Variants in RAPGEF3 observed in about 807,000 individuals in gnomAD.
RAPGEF3 encodes Rap guanine nucleotide exchange factor 3.
Under a neutral mutation model 129.8 loss-of-function variants are expected in RAPGEF3, and 103 were observed. The observed-to-expected ratio is 0.79, with a 90% CI of 0.68 to 0.93. RAPGEF3 has a LOEUF of 0.93. Ranked by LOEUF, RAPGEF3 falls within the 40% of genes least tolerant of loss-of-function variation. RAPGEF3 has a pLI of 0.00. For synonymous variants in RAPGEF3, 436 were observed against 482.6 expected, an observed-to-expected ratio of 0.90 and a Z score of 1.26; for missense variants, 1,117 against 1,207.4, an observed-to-expected ratio of 0.93 and a Z score of 1.11.
At position 47,746,859 on chromosome 12, in the gene RAPGEF3, C is replaced by G. The variant is rs376528453; in HGVS notation, c.1596+1G>C. 20 of 1,593,756 alleles carry G rather than the reference C, an allele frequency of 1.3e-5. No individual in the cohort carries two copies. Among genetic ancestry groups the G allele is most frequent in the African/African-American group, 2.7e-5 (2 of 73,530 alleles). On this transcript the variant is annotated splice_donor_variant, in intron 16 of 27. Coordinates refer to ENST00000449771, the MANE Select transcript of RAPGEF3 (RefSeq NM_001098531.4). LOFTEE classifies it high-confidence loss of function. Reference sequence around the variant, plus strand: ...GAAAGAAACTGGGGCCAGGCAGACACCTTCATCTGAGGAGATGCATTCCCA... The same window carrying G: ...GAAAGAAACTGGGGCCAGGCAGACAGCTTCATCTGAGGAGATGCATTCCCA...
intron 2 of RAPGEF3, chr12:47,752,480 G>A (rs76426352): frequency 0.074 from 11,794 of 160,424 alleles, 579 homozygotes; most frequent in Middle Eastern, 0.11. Flanking sequence ...TCTGGGCCTC[G>A]GATCAGCCTG....
In RAPGEF3 at chr12:47,746,748, G is replaced by T. The variant is rs750302974; in HGVS notation, c.1596+112C>A. 3.4e-6 allele frequency: 4 copies of T among 1,192,598 alleles called. No individual in the cohort carries two copies. The South Asian group carries it at 3.9e-5, about 12-fold the overall frequency. The allele number at this position is 1,192,598 out of a possible 1,614,324, so 73.9% of individuals were successfully genotyped here. ...ACACCTATCAGAGACCCAAGGGTGT[G>T]TCTGTGGGAGGAGAGCTTCCCACGC... On this transcript the variant is annotated intron_variant, in intron 16 of 27. Transcript: ENST00000449771.
chr12:47,758,636 A>G lies in RAPGEF3; in HGVS notation c.-80T>C, dbSNP rs577107043. 145 of 1,602,164 alleles carry G rather than the reference A, an allele frequency of 9.1e-5. 2 individuals are homozygous for G. In the African/African-American group the frequency reaches 1.7e-3, roughly 19 times the overall value. ...CCCAGCGACCCCCATCAGCTTTGAT[A>G]AGGGGATCCGGAGGGTGCCAGTGGG... is the stretch of plus-strand genomic sequence containing the variant. On this transcript the variant is annotated 5_prime_UTR_variant, in exon 1 of 28. Coordinates refer to ENST00000449771, the MANE Select transcript of RAPGEF3 (RefSeq NM_001098531.4).
chr12:47,742,367 A>T (rs1941216063), intron 18 of RAPGEF3: 1 of 152,254 alleles, frequency 6.6e-6, no homozygotes, highest in Non-Finnish European at 1.5e-5. Flanking sequence ...GGTCTCAATA[A>T]ACATGACCTT....
In RAPGEF3 at chr12:47,751,717, A is replaced by C. The variant is rs1209429357; in HGVS notation, c.380+6T>G. On this transcript the variant is annotated splice_donor_region_variant and intron_variant, in intron 4 of 27. Transcript: ENST00000449771. ...TGGGCAAGGAGGCAGCAGGGCCTCC[A>C]CTCACCGATAGAGCCTAAGGTGGTA... The C allele has an allele frequency of 6.2e-7, 1 of 1,612,218 alleles. No individual in the cohort carries two copies. The highest frequency in any genetic ancestry group is 8.5e-7 in the Non-Finnish European group (1 of 1,179,820).
chr12:47,755,974 C>T (rs1408737762), intron 2 of RAPGEF3: 1 of 152,192 alleles, frequency 6.6e-6, no homozygotes, highest in Non-Finnish European at 1.5e-5. Context: ...TGGAATGAAA[C>T]CTCCCCACCC....
chr12:47,750,201 G>C, intron 7 of RAPGEF3, 140 bp downstream of exon 7: 1 of 1,097,376 alleles, frequency 9.1e-7, no homozygotes, highest in Non-Finnish European at 1.4e-6. Flanking sequence ...GCAGCGCCGG[G>C]GGCAAGAAAT....
rs773902126 is a variant in RAPGEF3, at chr12:47,740,745, G to C, written c.2128C>G (p.Arg710Gly). 1 of 1,614,070 alleles carries C rather than the reference G, an allele frequency of 6.2e-7. No individual in the cohort carries two copies. Among genetic ancestry groups the C allele is most frequent in the Admixed American group, 1.7e-5 (1 of 60,034 alleles). ...TTANLERFMR[R>G]FNELQYWVAT... Reference sequence around the variant, plus strand: ...ACCCAGTACTGCAGCTCATTGAAGCGGCGCATGAAGCGCTCCAGGTTGGCG... The same window carrying C: ...ACCCAGTACTGCAGCTCATTGAAGCCGCGCATGAAGCGCTCCAGGTTGGCG... Residue 710 changes from arginine to glycine, a missense_variant, in exon 21 of 28, where the codon CGC (arginine) becomes GGC (glycine). Arg to Gly is a moderately radical substitution (Grantham distance 125). Around this residue, in one of 3 missense-constraint regions of RAPGEF3, gnomAD observed 643 missense variants for 673.4 expected, o/e 0.95. Coordinates refer to ENST00000449771, the MANE Select transcript of RAPGEF3 (RefSeq NM_001098531.4).
intron 2 of RAPGEF3, chr12:47,752,783 T>C (rs1217561597): frequency 6.6e-6 from 1 of 152,286 alleles, no homozygotes; most frequent in African/African-American, 2.4e-5. Flanking sequence ...GAAAGCGTCT[T>C]TCTTCTCTGA....
At chr12:47,739,510 T>A (rs1461837406) in intron 23 of RAPGEF3, 3 of 637,216 alleles carry the variant, frequency 4.7e-6, no homozygotes, top group Non-Finnish European at 8.6e-6. Flanking sequence ...TATCCCTGTC[T>A]CTTTCTGTGT....
rs1476315635 is a variant in RAPGEF3, at chr12:47,749,639, G to A, written c.894+102C>T. The A allele has an allele frequency of 5.0e-5, 77 of 1,542,498 alleles. 1 individual carries two copies. Among genetic ancestry groups the A allele is most frequent in the Admixed American group, 3.4e-4 (18 of 52,320 alleles). On this transcript the variant is annotated intron_variant, in intron 9 of 27. Coordinates refer to ENST00000449771, the MANE Select transcript of RAPGEF3 (RefSeq NM_001098531.4). This position sits in a 1 kb window ranked among gnomAD's most constrained non-coding sequence, Gnocchi z 4.5. ...GGAGAACAACCCACACAGGAGACAC[G>A]GGGTCAGCAGCAGTAGATCAACAAA...
At chr12:47,739,979 C>G (rs760883412) in intron 23 of RAPGEF3, 162 bp downstream of exon 23, 5 of 836,930 alleles carry the variant, frequency 6.0e-6, no homozygotes, top group Non-Finnish European at 9.6e-6. Flanking sequence ...GCTCCCCAAA[C>G]TCACAGGCTG....
chr12:47,747,358 G>C (rs1318718354), intron 15 of RAPGEF3, among the ~76,000 whole-genome samples, 186 bp downstream of exon 15: 2 of 152,188 alleles, frequency 1.3e-5, no homozygotes, highest in African/African-American at 4.8e-5. Context: ...ATGAGTGCCT[G>C]ATGCATGAGA....
At chr12:47,743,297 T>C (rs2136755479) in intron 18 of RAPGEF3, among the ~76,000 whole-genome samples, 1 of 152,316 alleles carries the variant, frequency 6.6e-6, no homozygotes, top group South Asian at 2.1e-4. Flanking sequence ...ACACAGATGG[T>C]GAGCTAAAGG....
intron 23 of RAPGEF3, chr12:47,739,876 T>C: frequency 1.8e-6 from 1 of 561,514 alleles, no homozygotes; most frequent in South Asian, 2.0e-5. Context: ...CAGCCCAGTC[T>C]TCACACAGGA....
Position 47,748,804 on chromosome 12 carries a change from T to A in RAPGEF3, c.1154+15A>T, listed in dbSNP as rs112212935. The A allele has an allele frequency of 3.3e-5, 50 of 1,520,346 alleles. 3 individuals are homozygous for A. The highest frequency in any genetic ancestry group is 3.3e-4 in the African/African-American group (24 of 73,162). 94.2% of individuals were successfully genotyped at this position (1,520,346 alleles called of 1,614,324 possible). A position where few individuals can be genotyped will look rare whatever the true frequency, so the allele number is the denominator to read the frequency against. On this transcript the variant is annotated intron_variant, in intron 11 of 27. Coordinates refer to ENST00000449771, the MANE Select transcript of RAPGEF3 (RefSeq NM_001098531.4). ...GGAGGGACAGTGTGGAGAGGGAGCA[T>A]GGCAGGTGTATTACCGGTTCCTGCC...
intron 1 of RAPGEF3, 75 bp downstream of exon 1, chr12:47,758,476 C>A (rs943260572): frequency 7.5e-6 from 12 of 1,591,276 alleles, no homozygotes; most frequent in Non-Finnish European, 1.0e-5. Context: ...CCTCTCCCAC[C>A]CAAACTCCCC....
In RAPGEF3 at chr12:47,747,581, G is replaced by A; in HGVS notation, c.1519C>T (p.Leu507=). The change falls in exon 15 of 28, where the codon CTG becomes TTG. Residue 507 remains leucine, a synonymous_variant. Transcript: ENST00000449771. ...CGCCTCTCTGGCCACTGCTCCCTCA[G>A]CAGGTTGCTGAGTCGGGTGTCCCTG... ...VGRDTRLSNL[L]REQWPERRRC... 1 of 1,614,076 alleles carries A rather than the reference G, an allele frequency of 6.2e-7. No homozygotes were observed. Among genetic ancestry groups the A allele is most frequent in the Non-Finnish European group, 8.5e-7 (1 of 1,179,942 alleles).
intron 1 of RAPGEF3, 185 bp from the exon 2 acceptor site, chr12:47,758,263 C>T (rs149309704): frequency 0.01 from 15,035 of 1,433,212 alleles, 93 homozygotes; most frequent in Non-Finnish European, 0.012. Context: ...GCCGGTCTGG[C>T]GCACTTAGGG....
Sources: gnomAD v4.1 joint callset for allele counts (sites outside exome capture counted in the v4.1 genomes callset) on GRCh38, gnomAD v4.1.1 for gene constraint, gnomAD v4.1.1 regional missense constraint, Gnocchi (gnomAD v3.1) non-coding constraint, MANE v1.5 for transcripts, NCBI Gene and HGNC (gene_info 2026-07-23, HGNC 2026-07-21) for gene names.